The following ARB2A variants were observed in gnomAD, a reference collection of about 807,000 sequenced individuals.
ARB2A encodes ARB2 cotranscriptional regulator A.
the ARB2A span, chr5:93,805,477 A>G: frequency 1.0e-6 from 1 of 985,016 alleles, no homozygotes. Flanking sequence ...TCCCCTGCAC[A>G]GAAGAGTCTG....
the ARB2A span, among the ~76,000 whole-genome samples, chr5:93,926,143 T>G: frequency 6.6e-6 from 1 of 152,226 alleles, no homozygotes; most frequent in Non-Finnish European, 1.5e-5. Context: ...CTTTTTTTTT[T>G]TTTGAGACAG....
At chr5:93,649,598 A>T in the ARB2A span, among the ~76,000 whole-genome samples, 131 of 152,294 alleles carry the variant, frequency 8.6e-4, no homozygotes, top group African/African-American at 3.1e-3. Context: ...ATTCTTTTTA[A>T]TTTTTTTGGT....
the ARB2A span, among the ~76,000 whole-genome samples, chr5:93,632,268 G>A: frequency 1.3e-5 from 2 of 152,200 alleles, no homozygotes; most frequent in African/African-American, 4.8e-5. Context: ...GGTTTCAACT[G>A]GGTGAAGAAC....
chr5:94,039,880 C>A, the ARB2A span, among the ~76,000 whole-genome samples: 3 of 152,114 alleles, frequency 2.0e-5, no homozygotes, highest in African/African-American at 7.2e-5. Flanking sequence ...CACCCCCCAA[C>A]CCCGATCACT....
At chr5:93,622,514 T>G in the ARB2A span, among the ~76,000 whole-genome samples, 121 of 152,346 alleles carry the variant, frequency 7.9e-4, 3 homozygotes, top group East Asian at 0.019. Flanking sequence ...CTATGGCTGC[T>G]GTCGGCCAGA....
chr5:93,703,943 C>T, the ARB2A span, among the ~76,000 whole-genome samples: 1 of 152,162 alleles, frequency 6.6e-6, no homozygotes, highest in Non-Finnish European at 1.5e-5. Flanking sequence ...CACTGAGACT[C>T]CTGATGTCTA....
chr5:93,706,015 T>C, the ARB2A span, among the ~76,000 whole-genome samples: 4 of 152,170 alleles, frequency 2.6e-5, no homozygotes, highest in African/African-American at 9.7e-5. Context: ...AGAAAATTAC[T>C]ATATGACCCA....
chr5:93,887,340 A>C, the ARB2A span, among the ~76,000 whole-genome samples: 1 of 151,708 alleles, frequency 6.6e-6, no homozygotes, highest in Non-Finnish European at 1.5e-5. Flanking sequence ...TAGAGAATAG[A>C]AGAGAAAAGA....
At chr5:94,089,591 TTA>T in the ARB2A span, among the ~76,000 whole-genome samples, 1 of 74,306 alleles carries the variant, frequency 1.3e-5, no homozygotes, top group Non-Finnish European at 2.7e-5. Flanking sequence ...TTAAAACCGT[TTA>T]TACACACACA....
chr5:93,735,337 T>C, the ARB2A span: 2 of 152,218 alleles, frequency 1.3e-5, no homozygotes, highest in Admixed American at 6.5e-5. Context: ...AGCTGATTAG[T>C]GACACATAGA....
chr5:93,686,156 T>G, the ARB2A span, among the ~76,000 whole-genome samples: 1 of 152,180 alleles, frequency 6.6e-6, no homozygotes, highest in East Asian at 1.9e-4. Context: ...TTCATTCACA[T>G]TTTTTGATAA....
chr5:93,920,241 T>C, the ARB2A span, among the ~76,000 whole-genome samples: 12 of 152,250 alleles, frequency 7.9e-5, no homozygotes, highest in East Asian at 1.9e-3. Flanking sequence ...CTGTGCCAGG[T>C]GTGTCTTAAA....
chr5:93,997,349 C>T, the ARB2A span, among the ~76,000 whole-genome samples: 6 of 152,086 alleles, frequency 3.9e-5, no homozygotes, highest in African/African-American at 1.2e-4. Context: ...AGCACTAAGA[C>T]AATTGTTCTA....
the ARB2A span, among the ~76,000 whole-genome samples, chr5:93,951,614 T>C: frequency 6.6e-6 from 1 of 152,174 alleles, no homozygotes; most frequent in Non-Finnish European, 1.5e-5. Context: ...GGCATCTTTA[T>C]CAAAAATAAG....
At chr5:93,776,302 A>G in the ARB2A span, 1 of 1,371,802 alleles carries the variant, frequency 7.3e-7, no homozygotes, top group Non-Finnish European at 1.0e-6. Flanking sequence ...TGGAATTTTT[A>G]GGGAGAGTTT....
the ARB2A span, among the ~76,000 whole-genome samples, chr5:93,653,581 T>C: frequency 2.8e-5 from 4 of 141,636 alleles, no homozygotes; most frequent in Non-Finnish European, 4.5e-5. Flanking sequence ...TTTTGCAATA[T>C]TGATTTCCAA....
chr5:93,771,277 T>C, the ARB2A span, among the ~76,000 whole-genome samples: 6 of 151,736 alleles, frequency 4.0e-5, no homozygotes, highest in Non-Finnish European at 8.8e-5. Flanking sequence ...ACTGGATCCC[T>C]TCCTTACACC....
the ARB2A span, among the ~76,000 whole-genome samples, chr5:93,686,397 G>A: frequency 9.9e-5 from 15 of 152,100 alleles, no homozygotes; most frequent in African/African-American, 3.6e-4. Context: ...TCACCTGCCT[G>A]TTCTTGACAT....
At chr5:93,835,140 G>A in the ARB2A span, among the ~76,000 whole-genome samples, 1 of 152,128 alleles carries the variant, frequency 6.6e-6, no homozygotes, top group Non-Finnish European at 1.5e-5. Context: ...ATGTACTCTT[G>A]CCATCACTAA....
Sources: gnomAD v4.1 joint callset for allele counts (sites outside exome capture counted in the v4.1 genomes callset) on GRCh38, gnomAD v4.1.1 for gene constraint, MANE v1.5 for transcripts, NCBI Gene and HGNC (gene_info 2026-07-23, HGNC 2026-07-21) for gene names.